CDH15: variants seen among roughly 807,000 people sequenced by gnomAD.
The protein encoded by CDH15 is cadherin-15.
Under a neutral mutation model 69.4 loss-of-function variants are expected in CDH15, and 73 were observed. The ratio of observed to expected loss-of-function variants is 1.05; its 90% CI spans 0.87 to 1.28. CDH15 has a LOEUF of 1.28. CDH15 is among the 50% of genes most tolerant of loss of function. CDH15 has a pLI of 0.00. For missense variants in CDH15, 1,343 were observed against 1,133.6 expected (o/e 1.18, Z -2.65); for synonymous variants, 624 against 507.7 (o/e 1.23, Z -3.08).
intron 13 of CDH15, among the ~76,000 whole-genome samples, chr16:89,194,547 G>A (rs550956928): frequency 8.5e-5 from 13 of 152,312 alleles, no homozygotes; most frequent in African/African-American, 3.1e-4. Flanking sequence ...GAGTGGACAA[G>A]GGCCACGGGG....
At chr16:89,192,029 C>T in intron 10 of CDH15, 135 bp downstream of exon 10, 1 of 1,151,982 alleles carries the variant, frequency 8.7e-7, no homozygotes, top group Non-Finnish European at 1.2e-6. Flanking sequence ...CCGCCACCCC[C>T]CCCACCACTG....
At chr16:89,191,204 G>A in intron 8 of CDH15, 126 bp from the exon 9 acceptor site, 6 of 1,028,468 alleles carry the variant, frequency 5.8e-6, no homozygotes, top group African/African-American at 4.7e-5. Context: ...GTGTGCATGT[G>A]TGCATGCATG....
At position 89,193,585 on chromosome 16, in the gene CDH15, A is replaced by G. The variant is rs3815615; in HGVS notation, c.1971A>G (p.Gln657=). The change falls in exon 12 of 14, where the codon CAA becomes CAG. Residue 657 remains glutamine (Q), a synonymous_variant. Coordinates refer to ENST00000289746, the MANE Select transcript of CDH15 (RefSeq NM_004933.3). The part of the protein sequence containing the change: ...LRDNVLNYDE[Q]GGGEEDQDAY... ...ACAATGTCCTCAACTACGATGAGCA[A>G]GGAGGCGGGGAGGAGGACCAGGTGA... The G allele has an allele frequency of 0.45, 714,489 of 1,597,498 alleles. 163,945 individuals carry two copies. The highest frequency in any genetic ancestry group is 0.79 in the East Asian group (35,119 of 44,452).
chr16:89,185,702 A>C, intron 5 of CDH15: 2 of 340,350 alleles, frequency 5.9e-6, no homozygotes, highest in Non-Finnish European at 5.7e-6. Context: ...CTCCCGGAAG[A>C]CCCCCCTTGA....
chr16:89,189,726 C>T (rs774047992), intron 7 of CDH15, among the ~76,000 whole-genome samples: 9 of 152,250 alleles, frequency 5.9e-5, no homozygotes, highest in East Asian at 1.9e-4. Flanking sequence ...TATGTCCACA[C>T]GTGTAGATGT....
Position 89,195,428 on chromosome 16 carries a change from T to G in CDH15, c.*273T>G. On this transcript the variant is annotated 3_prime_UTR_variant, in exon 14 of 14. Transcript: ENST00000289746. ...TGCCTCCTACCAGTGAACCTCATCT[T>G]TGTATGAAAGACAGCAACCTCCTGG... 1 of 507,930 alleles carries G rather than the reference T, an allele frequency of 2.0e-6. No individual in the cohort carries two copies. 31.5% of individuals were successfully genotyped at this position (507,930 alleles called of 1,614,324 possible). A position where few individuals can be genotyped will look rare whatever the true frequency, so the allele number is the denominator to read the frequency against.
intron 1 of CDH15, among the ~76,000 whole-genome samples, chr16:89,173,173 C>T (rs1043996024): frequency 2.6e-5 from 4 of 152,202 alleles, no homozygotes; most frequent in Non-Finnish European, 5.9e-5. Flanking sequence ...CACCCCCCGG[C>T]CCTCCACCCC....
chr16:89,187,953 A>G, intron 6 of CDH15, 147 bp from the exon 7 acceptor site: 1 of 722,402 alleles, frequency 1.4e-6, no homozygotes, highest in Non-Finnish European at 2.3e-6. Flanking sequence ...GTGGGTGGGG[A>G]GCAGCTTCGA....
rs573037429 is a variant in CDH15 at position 89,193,746 on chromosome 16, C to T, written c.1993-9C>T. On this transcript the variant is annotated splice_polypyrimidine_tract_variant and intron_variant, in intron 12 of 13. Coordinates refer to ENST00000289746, the MANE Select transcript of CDH15 (RefSeq NM_004933.3). ...GATGCCTGGCTCTGTTCCACCTCCT[C>T]GCCCACAGGACGCCTACGACATCAG... 8.1e-6 allele frequency: 13 copies of T among 1,601,546 alleles called. No homozygotes were observed. Among genetic ancestry groups the T allele is most frequent in the African/African-American group, 2.7e-5 (2 of 74,884 alleles).
chr16:89,194,790 G>C, intron 13 of CDH15, 72 bp from the exon 14 acceptor site: 1 of 1,477,634 alleles, frequency 6.8e-7, no homozygotes, highest in South Asian at 1.2e-5. Context: ...ACTTTGCCCT[G>C]GGCTGTGGCC....
chr16:89,180,190 T>C lies in CDH15; in HGVS notation c.202-10T>C, dbSNP rs752789184. On this transcript the variant is annotated splice_polypyrimidine_tract_variant and intron_variant, in intron 2 of 13. Coordinates refer to ENST00000289746, the MANE Select transcript of CDH15 (RefSeq NM_004933.3). ...AGCAGCTCTCCCCAAACCCATTTCC[T>C]GCCCCACAGATCAAGTCGGACAAGC... is the stretch of plus-strand genomic sequence containing the variant. 2 of 1,610,362 alleles carry C rather than the reference T, an allele frequency of 1.2e-6. No homozygotes were observed. Among genetic ancestry groups the C allele is most frequent in the African/African-American group, 1.3e-5 (1 of 74,838 alleles).
chr16:89,194,083 C>T (rs1281365137), intron 13 of CDH15, among the ~76,000 whole-genome samples, 170 bp downstream of exon 13: 2 of 152,238 alleles, frequency 1.3e-5, no homozygotes, highest in East Asian at 1.9e-4. Context: ...GTGGAAGCCC[C>T]GCTGCCACCG....
intron 1 of CDH15, among the ~76,000 whole-genome samples, chr16:89,176,077 C>T (rs1226596078): frequency 1.3e-5 from 2 of 152,224 alleles, no homozygotes; most frequent in East Asian, 1.9e-4. Context: ...ACAGGGTAAG[C>T]GGCCGGTGGT....
intron 7 of CDH15, among the ~76,000 whole-genome samples, chr16:89,189,090 G>A (rs1399480954): frequency 7.7e-6 from 1 of 129,048 alleles, no homozygotes; most frequent in Non-Finnish European, 1.6e-5. Context: ...CCCACACACA[G>A]ATGCCCACAC....
intron 6 of CDH15, 128 bp from the exon 7 acceptor site, chr16:89,187,972 A>C: frequency 1.4e-6 from 1 of 733,522 alleles, no homozygotes; most frequent in Non-Finnish European, 2.0e-6. Context: ...GACAGGAGCA[A>C]GGGAGGGTGT....
At chr16:89,184,699 G>A (rs1314439119) in intron 4 of CDH15, among the ~76,000 whole-genome samples, 18 of 151,802 alleles carry the variant, frequency 1.2e-4, no homozygotes, top group Admixed American at 1.1e-3. Flanking sequence ...CTGCCCGTGC[G>A]TCCTCTGTCT....
intron 2 of CDH15, 39 bp downstream of exon 2, chr16:89,179,613 G>A (rs1291821716): frequency 2.0e-6 from 3 of 1,524,748 alleles, no homozygotes; most frequent in Non-Finnish European, 2.6e-6. Context: ...GAAAGGGGTA[G>A]GCTGGTCCCC....
chr16:89,179,547 C>T lies in CDH15; in HGVS notation c.174C>T (p.His58=), dbSNP rs2287358. 73,779 of 1,607,280 alleles carry T rather than the reference C, an allele frequency of 0.046. 2,686 individuals are homozygous for T. Among genetic ancestry groups the T allele is most frequent in the East Asian group, 0.18 (7,859 of 44,758 alleles). ...VIPPISVSEN[H]KRLPYPLVQI... ...CCCCGATCAGCGTATCCGAGAACCA[C>T]AAGCGTCTCCCCTACCCCCTGGTTC... The change falls in exon 2 of 14, where the codon CAC becomes CAT. Residue 58 remains histidine, a synonymous_variant. Coordinates refer to ENST00000289746, the MANE Select transcript of CDH15 (RefSeq NM_004933.3).
chr16:89,194,965 T>A lies in CDH15; in HGVS notation c.2255T>A (p.Ile752Asn). ...TCGGTGGCGGGGACGCTGAGCTCCA[T>A]CCTGTCCAGCCAGGGCGATGAGGAC... ...DGSVAGTLSS[I>N]LSSQGDEDQD... The change falls in exon 14 of 14, where the codon ATC (isoleucine) becomes AAC (asparagine). Residue 752 changes from isoleucine to asparagine, a missense_variant. Transcript: ENST00000289746. 6.2e-7 allele frequency: 1 copy of A among 1,610,542 alleles called. No individual in the cohort carries two copies. Among genetic ancestry groups the A allele is most frequent in the Non-Finnish European group, 8.5e-7 (1 of 1,179,112 alleles).
Sources: allele counts gnomAD v4.1 joint callset (sites outside exome capture counted in the v4.1 genomes callset), GRCh38; gene constraint gnomAD v4.1.1; transcripts MANE v1.5; gene names NCBI Gene and HGNC (gene_info 2026-07-23, HGNC 2026-07-21).